The following ERBB4 variants were observed in gnomAD, a reference collection of about 807,000 sequenced individuals.
ERBB4 encodes the protein erb-b2 receptor tyrosine kinase 4, also known as receptor tyrosine-protein kinase erbB-4.
Under a neutral mutation model 158.0 loss-of-function variants are expected in ERBB4, and 42 were observed. The observed-to-expected ratio is 0.27, with a 90% CI of 0.21 to 0.34. The LOEUF (loss-of-function observed/expected upper bound fraction) is 0.34, where lower values mean the gene tolerates loss of function less well. Ranked by LOEUF, ERBB4 falls within the 10% of genes least tolerant of loss-of-function variation. The probability of loss-of-function intolerance (pLI) is 1.00; values close to 1 mark genes in which losing one functional copy is unlikely to be tolerated. For missense variants in ERBB4, 1,333 were observed against 1,624.1 expected (o/e 0.82, Z 3.08); for synonymous variants, 583 against 558.7 (o/e 1.04, Z -0.61).
chr2:211,701,626 C>T (rs1338354733), intron 12 of ERBB4, among the ~76,000 whole-genome samples: 2 of 151,784 alleles, frequency 1.3e-5, no homozygotes, highest in Non-Finnish European at 2.9e-5. Flanking sequence ...GGCGCGGCGG[C>T]GGGCGCCTGT....
intron 20 of ERBB4, among the ~76,000 whole-genome samples, chr2:211,471,786 C>A (rs901941142): frequency 7.2e-5 from 11 of 152,122 alleles, no homozygotes; most frequent in Middle Eastern, 3.4e-3. Context: ...AGAGGGACAG[C>A]AGATAAAAAT....
intron 16 of ERBB4, among the ~76,000 whole-genome samples, chr2:211,641,060 C>A (rs1292791582): frequency 6.6e-6 from 1 of 152,100 alleles, no homozygotes; most frequent in Non-Finnish European, 1.5e-5. Context: ...TTTACAATTT[C>A]TTTACATATT....
intron 19 of ERBB4, among the ~76,000 whole-genome samples, chr2:211,597,077 C>A (rs1258616159): frequency 3.3e-5 from 5 of 152,120 alleles, no homozygotes; most frequent in Non-Finnish European, 7.4e-5. Context: ...CACTTACTCA[C>A]TCTATCGAGC....
chr2:211,505,225 A>C (rs1442915600), intron 20 of ERBB4, among the ~76,000 whole-genome samples: 1 of 152,106 alleles, frequency 6.6e-6, no homozygotes, highest in African/African-American at 2.4e-5. Flanking sequence ...ACCTCTAAAG[A>C]AAATTCCCTC....
At chr2:212,103,500 C>T (rs556582429) in intron 2 of ERBB4, among the ~76,000 whole-genome samples, 44 of 152,170 alleles carry the variant, frequency 2.9e-4, no homozygotes, top group African/African-American at 9.9e-4. Flanking sequence ...ATATTCTTTT[C>T]TGGTACTAAA....
intron 1 of ERBB4, among the ~76,000 whole-genome samples, chr2:212,151,131 G>C (rs1265129013): frequency 2.6e-5 from 4 of 151,846 alleles, no homozygotes; most frequent in African/African-American, 9.7e-5. Flanking sequence ...TTAAATAAAT[G>C]CATCTGTCTG....
At chr2:212,122,841 C>T (rs1431792449) in intron 2 of ERBB4, among the ~76,000 whole-genome samples, 1 of 151,890 alleles carries the variant, frequency 6.6e-6, no homozygotes, top group African/African-American at 2.4e-5. Context: ...ACAATAGTCA[C>T]AACTATTTTT....
chr2:212,385,717 CA>C (rs2090653785), intron 1 of ERBB4, among the ~76,000 whole-genome samples: 1 of 151,278 alleles, frequency 6.6e-6, no homozygotes, highest in South Asian at 2.1e-4. Flanking sequence ...TTGCTTTTTT[CA>C]AAAAACCTAT....
chr2:211,528,048 A>G (rs1416464634), intron 20 of ERBB4, among the ~76,000 whole-genome samples: 1 of 152,072 alleles, frequency 6.6e-6, no homozygotes, highest in African/African-American at 2.4e-5. Flanking sequence ...TAAACTCTCC[A>G]ATCAAAAGAC....
chr2:212,430,235 T>C, intron 1 of ERBB4, among the ~76,000 whole-genome samples: 1 of 152,194 alleles, frequency 6.6e-6, no homozygotes, highest in East Asian at 1.9e-4. Flanking sequence ...AACCACGTGT[T>C]AAAAATGTGT....
At chr2:211,772,928 T>TCTATATATATATACACACAC (rs2075748870) in intron 4 of ERBB4, among the ~76,000 whole-genome samples, 1 of 27,574 alleles carries the variant, frequency 3.6e-5, no homozygotes, top group African/African-American at 1.4e-4. Flanking sequence ...CACACACATA[T>TCTATATATATATACACACAC]ATATATATAT....
At chr2:212,282,617 A>G (rs1366375657) in intron 1 of ERBB4, among the ~76,000 whole-genome samples, 1 of 151,924 alleles carries the variant, frequency 6.6e-6, no homozygotes, top group Non-Finnish European at 1.5e-5. Flanking sequence ...GATATATTTT[A>G]TACCACTTCA....
At chr2:212,336,677 A>G (rs1180865308) in intron 1 of ERBB4, among the ~76,000 whole-genome samples, 1 of 152,076 alleles carries the variant, frequency 6.6e-6, no homozygotes, top group African/African-American at 2.4e-5. Context: ...TTGCTTTTCT[A>G]AAAGATGTGC....
intron 9 of ERBB4, among the ~76,000 whole-genome samples, chr2:211,709,296 T>TATAC (rs2073597755): frequency 6.9e-6 from 1 of 145,676 alleles, no homozygotes; most frequent in African/African-American, 2.6e-5. Context: ...TATATACATA[T>TATAC]ATATATATGA....
chr2:211,909,124 A>ATAG (rs1281895616), intron 3 of ERBB4, among the ~76,000 whole-genome samples: 1 of 151,688 alleles, frequency 6.6e-6, no homozygotes, highest in Non-Finnish European at 1.5e-5. Context: ...GTCTGTTATG[A>ATAG]TAGTATTCAA....
At chr2:212,529,276 T>C (rs1692617454) in intron 1 of ERBB4, among the ~76,000 whole-genome samples, 1 of 152,156 alleles carries the variant, frequency 6.6e-6, no homozygotes, top group Admixed American at 6.6e-5. Flanking sequence ...GCCATTAACA[T>C]TAAAATACTG....
intron 1 of ERBB4, among the ~76,000 whole-genome samples, chr2:212,380,932 C>T (rs1574813542): frequency 6.6e-6 from 1 of 151,084 alleles, no homozygotes; most frequent in Non-Finnish European, 1.5e-5. Flanking sequence ...ATTGGGTAGT[C>T]GGAATTAAAG....
At chr2:212,059,653 T>C (rs1455863043) in intron 2 of ERBB4, among the ~76,000 whole-genome samples, 1 of 152,122 alleles carries the variant, frequency 6.6e-6, no homozygotes, top group South Asian at 2.1e-4. Flanking sequence ...TCTACAACCA[T>C]CTGATCTTTG....
At chr2:211,545,024 G>A (rs2066906096) in intron 20 of ERBB4, among the ~76,000 whole-genome samples, 1 of 152,024 alleles carries the variant, frequency 6.6e-6, no homozygotes, top group Non-Finnish European at 1.5e-5. Context: ...CCTACACAAA[G>A]GACCTTTGGC....
Sources: gnomAD v4.1 joint callset for allele counts (sites outside exome capture counted in the v4.1 genomes callset) on GRCh38, gnomAD v4.1.1 for gene constraint, MANE v1.5 for transcripts, NCBI Gene and HGNC (gene_info 2026-07-23, HGNC 2026-07-21) for gene names.